AFF4: variants seen among roughly 807,000 people sequenced by gnomAD.
AFF4 encodes the protein ALF transcription elongation factor 4.
AFF4 carries 13 observed loss-of-function variants against 124.8 expected under a neutral mutation model. That is an observed-to-expected ratio of 0.10 (90% CI 0.07 to 0.17). The LOEUF is 0.17. Ranked by LOEUF, AFF4 falls within the 10% of genes least tolerant of loss-of-function variation. The pLI is 1.00. For missense variants in AFF4, 1,092 were observed against 1,403.8 expected, an observed-to-expected ratio of 0.78 and a Z score of 3.55; for synonymous variants, 477 against 496.1, an observed-to-expected ratio of 0.96 and a Z score of 0.51.
intron 5 of AFF4, among the ~76,000 whole-genome samples, chr5:132,913,600 T>A (rs1164317254): frequency 6.6e-6 from 1 of 152,188 alleles, no homozygotes; most frequent in African/African-American, 2.4e-5. Flanking sequence ...CCCACCACCG[T>A]GCCCGGCTGA....
At chr5:132,915,958 T>A (rs1331194911) in intron 5 of AFF4, among the ~76,000 whole-genome samples, 1 of 151,896 alleles carries the variant, frequency 6.6e-6, no homozygotes, top group African/African-American at 2.4e-5. Context: ...AGGCTTTTGT[T>A]TAAGAATTGC....
Position 132,887,931 on chromosome 5 carries a change from T to C in AFF4, c.2848A>G (p.Ile950Val). The stretch of plus-strand genomic sequence containing the variant: ...TTCTCTAATGCATTCCCACATTCAA[T>C]GAAAGATACCACAGCATCAAGATAG... ...VYYLDAVVSF[I>V]ECGNALEKNA... Residue 950 changes from isoleucine to valine, a missense_variant, in exon 16 of 21, where the codon ATT becomes GTT. Physicochemically the swap from Ile to Val is conservative, Grantham distance 29 (BLOSUM62 3). This residue lies in a region of AFF4 where 173 missense variants were observed against 294.9 expected (regional missense o/e 0.59). Transcript: ENST00000265343. 6.2e-7 allele frequency: 1 copy of C among 1,613,830 alleles called. No individual in the cohort carries two copies. The highest frequency in any genetic ancestry group is 2.2e-5 in the East Asian group (1 of 44,826).
chr5:132,940,522 CA>C (rs1761543862), intron 1 of AFF4, among the ~76,000 whole-genome samples: 2 of 152,022 alleles, frequency 1.3e-5, no homozygotes, highest in Admixed American at 1.3e-4. Context: ...AAAATAAAAA[CA>C]AAAAATAAAG....
chr5:132,899,387 G>A (rs542931705), intron 8 of AFF4, among the ~76,000 whole-genome samples, 200 bp downstream of exon 8: 2 of 152,104 alleles, frequency 1.3e-5, no homozygotes, highest in South Asian at 4.2e-4. Flanking sequence ...CATAATAAAT[G>A]TTGAGGAAAA....
intron 3 of AFF4, among the ~76,000 whole-genome samples, chr5:132,932,951 C>T (rs1486351662): frequency 2.0e-5 from 3 of 152,128 alleles, no homozygotes; most frequent in Non-Finnish European, 2.9e-5. Context: ...AATGAGTTTC[C>T]CAAGGCCACT....
chr5:132,897,337 C>A, intron 10 of AFF4, 97 bp from the exon 11 acceptor site: 1 of 1,274,090 alleles, frequency 7.8e-7, no homozygotes, highest in Non-Finnish European at 1.1e-6. Context: ...AACCACAATG[C>A]CTAATGCAAC....
chr5:132,882,196 A>T (rs1044256270), intron 20 of AFF4, among the ~76,000 whole-genome samples: 12 of 147,974 alleles, frequency 8.1e-5, no homozygotes, highest in African/African-American at 3.0e-4. Flanking sequence ...CCTGGGTGAC[A>T]GAGTAAAACC....
At chr5:132,963,215 C>T (rs1459881149) in intron 1 of AFF4, 44 bp downstream of exon 1, 2 of 388,946 alleles carry the variant, frequency 5.1e-6, no homozygotes, top group Non-Finnish European at 9.1e-6. Context: ...CCACAACCCC[C>T]GCGGCCCGGC....
chr5:132,892,444 A>G, intron 12 of AFF4, 40 bp from the exon 13 acceptor site: 3 of 1,559,400 alleles, frequency 1.9e-6, no homozygotes, highest in East Asian at 2.3e-5. Flanking sequence ...TCCACACAGT[A>G]ATACAGGGGT....
chr5:132,880,954 A>C lies in AFF4; in HGVS notation c.*105T>G. 1.8e-5 allele frequency: 24 copies of C among 1,356,524 alleles called. No homozygotes were observed. Among genetic ancestry groups the C allele is most frequent in the Non-Finnish European group, 2.3e-5 (23 of 1,000,602 alleles). The allele number at this position is 1,356,524 out of a possible 1,614,324, so 84.0% of individuals were successfully genotyped here. A position where few individuals can be genotyped will look rare whatever the true frequency, so the allele number is the denominator to read the frequency against. ...CACATGAACCAACGAGGAGAAAACT[A>C]TTCCTCATTCTTAGTGTCGACTAGG... On this transcript the variant is annotated 3_prime_UTR_variant, in exon 21 of 21. Coordinates refer to ENST00000265343, the MANE Select transcript of AFF4 (RefSeq NM_014423.4).
At chr5:132,891,050 G>C (rs1760244208) in intron 13 of AFF4, among the ~76,000 whole-genome samples, 1 of 150,972 alleles carries the variant, frequency 6.6e-6, no homozygotes, top group African/African-American at 2.4e-5. Flanking sequence ...ATTTAAAAAA[G>C]CAATAGCAGG....
intron 9 of AFF4, 118 bp from the exon 10 acceptor site, chr5:132,898,510 G>C: frequency 9.4e-7 from 1 of 1,062,858 alleles, no homozygotes; most frequent in Non-Finnish European, 1.3e-6. Flanking sequence ...TTTAGACGGA[G>C]TCTTGCTCTG....
intron 19 of AFF4, among the ~76,000 whole-genome samples, chr5:132,884,197 A>G (rs1247848509): frequency 6.6e-6 from 1 of 152,196 alleles, no homozygotes; most frequent in Non-Finnish European, 1.5e-5. Context: ...CACTAAAAGA[A>G]AGGAAAAATC....
chr5:132,936,837 G>A (rs566895175), intron 2 of AFF4, among the ~76,000 whole-genome samples: 3 of 152,262 alleles, frequency 2.0e-5, no homozygotes, highest in African/African-American at 7.2e-5. Flanking sequence ...TGTTGATGCT[G>A]TGAAAATTCT....
intron 5 of AFF4, among the ~76,000 whole-genome samples, chr5:132,921,425 G>A (rs1245512319): frequency 1.3e-5 from 2 of 150,942 alleles, no homozygotes; most frequent in African/African-American, 4.9e-5. Flanking sequence ...ATAAAAAATG[G>A]TTCAACCACT....
At chr5:132,914,520 G>T (rs963845060) in intron 5 of AFF4, among the ~76,000 whole-genome samples, 1 of 151,608 alleles carries the variant, frequency 6.6e-6, no homozygotes, top group African/African-American at 2.4e-5. Flanking sequence ...AGAATCGCTT[G>T]AACCCGGAAG....
At chr5:132,918,428 G>A (rs1296473314) in intron 5 of AFF4, among the ~76,000 whole-genome samples, 1 of 151,950 alleles carries the variant, frequency 6.6e-6, no homozygotes, top group South Asian at 2.1e-4. Context: ...TTGGGAGGCC[G>A]AGGCAGGTGG....
chr5:132,935,599 C>T (rs1431033925), intron 2 of AFF4, among the ~76,000 whole-genome samples: 6 of 152,064 alleles, frequency 3.9e-5, no homozygotes, highest in African/African-American at 7.2e-5. Context: ...GGTGAAACCC[C>T]GTTTCTATTA....
In AFF4 at chr5:132,878,512, G is replaced by A. The variant is rs762980292; in HGVS notation, c.*2547C>T. ...AAGGTCACCTGTAAAGGAGTCCAAA[G>A]TATGTGCTGGAGCAGATGATGACAA... On this transcript the variant is annotated 3_prime_UTR_variant, in exon 21 of 21. Coordinates refer to ENST00000265343, the MANE Select transcript of AFF4 (RefSeq NM_014423.4). 1 of 232,444 alleles carries A rather than the reference G, an allele frequency of 4.3e-6. No homozygotes were observed. Among genetic ancestry groups the A allele is most frequent in the Non-Finnish European group, 8.5e-6 (1 of 117,308 alleles). 14.4% of individuals were successfully genotyped at this position (232,444 alleles called of 1,614,324 possible). A position where few individuals can be genotyped will look rare whatever the true frequency, so the allele number is the denominator to read the frequency against.
Sources: allele counts gnomAD v4.1 joint callset (sites outside exome capture counted in the v4.1 genomes callset), GRCh38; gene constraint gnomAD v4.1.1; regional missense constraint gnomAD v4.1.1; transcripts MANE v1.5; gene names NCBI Gene and HGNC (gene_info 2026-07-23, HGNC 2026-07-21).